Variants in DSCAML1 observed in about 807,000 individuals in gnomAD.
DSCAML1 encodes the protein cell adhesion molecule DSCAML1.
A neutral mutation model predicts 200.5 loss-of-function variants in DSCAML1; 38 were observed. The ratio of observed to expected loss-of-function variants is 0.19; its 90% confidence interval spans 0.15 to 0.25. The LOEUF is 0.25. Among genes scored for constraint, DSCAML1 ranks in the 10% least tolerant of loss-of-function variants. The probability of loss-of-function intolerance (pLI) is 1.00; values close to 1 mark genes in which losing one functional copy is unlikely to be tolerated. For synonymous variants in DSCAML1, 1,215 were observed against 1,165.0 expected (o/e 1.04, Z -0.87); for missense variants, 2,223 against 2,858.8 (o/e 0.78, Z 5.07).
chr11:117,492,645 C>A (rs187199067), intron 11 of DSCAML1, among the ~76,000 whole-genome samples: 5 of 152,182 alleles, frequency 3.3e-5, no homozygotes, highest in Non-Finnish European at 5.9e-5. Context: ...AACAAGTTCC[C>A]GACAAGAGCT....
chr11:117,735,503 G>A (rs1449950441), intron 3 of DSCAML1, among the ~76,000 whole-genome samples: 1 of 152,168 alleles, frequency 6.6e-6, no homozygotes, highest in African/African-American at 2.4e-5. Flanking sequence ...GCAGGGGTGG[G>A]CGGGGCTGTC....
At chr11:117,588,534 T>A (rs1289785110) in intron 3 of DSCAML1, among the ~76,000 whole-genome samples, 1 of 152,094 alleles carries the variant, frequency 6.6e-6, no homozygotes, top group East Asian at 1.9e-4. Flanking sequence ...AAGCGTTTTG[T>A]AGGTTATCAT....
In DSCAML1 at chr11:117,780,276, GAA is replaced by G. The variant is rs1219871165; in HGVS notation, c.364+215_364+216del. On this transcript the variant is annotated intron_variant, in intron 2 of 32. Coordinates refer to ENST00000651296, the MANE Select transcript of DSCAML1 (RefSeq NM_020693.4). This position sits in a 1 kb window ranked among gnomAD's most constrained non-coding sequence, Gnocchi z 4.8. The stretch of plus-strand genomic sequence containing the variant: ...AGAAAGAAAGAAAGAAAGAAAGAAA[GAA>G]AGAAAGAAAGAAAGAAAGAAAGAAA... 1.0e-5 allele frequency among the ~76,000 whole-genome samples: 1 copy of G among 95,390 alleles called. No homozygotes were observed. Among genetic ancestry groups the G allele is most frequent in the East Asian group, 2.8e-4 (1 of 3,596 alleles). The allele number at this position is 95,390 out of a possible 152,430, so 62.6% of individuals were successfully genotyped here.
intron 8 of DSCAML1, among the ~76,000 whole-genome samples, chr11:117,512,072 C>T (rs1175517059): frequency 1.3e-5 from 2 of 152,246 alleles, no homozygotes; most frequent in Non-Finnish European, 2.9e-5. Context: ...GGGTTTCAGC[C>T]CCACCCTGCC....
chr11:117,605,171 G>A lies in DSCAML1; in HGVS notation c.512-72649C>T, dbSNP rs1019229108. On this transcript the variant is annotated intron_variant, in intron 3 of 32. Coordinates refer to ENST00000651296, the MANE Select transcript of DSCAML1 (RefSeq NM_020693.4). ...ATTCTCTGGAGTAGCTGAGACTACAGGTGCACGCCACCATGCCCGGCTGCT... is the reference window on the plus strand; with the variant it reads ...ATTCTCTGGAGTAGCTGAGACTACAAGTGCACGCCACCATGCCCGGCTGCT... 2.6e-5 allele frequency among the ~76,000 whole-genome samples: 4 copies of A among 152,076 alleles called. No individual in the cohort carries two copies. The East Asian group carries it at 7.7e-4, about 29-fold the overall frequency.
chr11:117,507,233 G>A (rs77358863), intron 8 of DSCAML1, among the ~76,000 whole-genome samples: 4 of 152,284 alleles, frequency 2.6e-5, no homozygotes, highest in East Asian at 3.9e-4. Context: ...TTCTGCAGTC[G>A]AATAATTAAA....
rs1196481775 is a variant in DSCAML1 at position 117,642,207 on chromosome 11, C to A, written c.512-109685G>T. On this transcript the variant is annotated intron_variant, in intron 3 of 32. Transcript: ENST00000651296. The surrounding 1 kb of genome is among the most constrained non-coding windows in gnomAD (Gnocchi z 4.1). ...GGCATGACTTAGGCTCCTGCGGTAT[C>A]TGAGTCTCTAGCCCACTTTTGGACA... 6.6e-6 allele frequency among the ~76,000 whole-genome samples: 1 copy of A among 152,204 alleles called. No homozygotes were observed. The highest frequency in any genetic ancestry group is 1.5e-5 in the Non-Finnish European group (1 of 68,028).
chr11:117,458,948 C>T lies in DSCAML1; in HGVS notation c.3413-39G>A, dbSNP rs372470127. 2.9e-5 allele frequency: 46 copies of T among 1,598,880 alleles called. No individual in the cohort carries two copies. The Middle Eastern group carries it at 5.0e-4, about 17-fold the overall frequency. On this transcript the variant is annotated intron_variant, in intron 18 of 32. Coordinates refer to ENST00000651296, the MANE Select transcript of DSCAML1 (RefSeq NM_020693.4). ...GCAAACTCTGAGGACCCAGCTCCAT[C>T]GGGCTGTGGCCCCTGCTGCTACCCC...
At chr11:117,456,894 C>T (rs182218882) in intron 19 of DSCAML1, among the ~76,000 whole-genome samples, 4 of 152,018 alleles carry the variant, frequency 2.6e-5, no homozygotes, top group Admixed American at 6.5e-5. Context: ...AGGCTGGTCT[C>T]GCACTCCTGA....
intron 3 of DSCAML1, among the ~76,000 whole-genome samples, chr11:117,686,444 C>T (rs1038515959): frequency 6.6e-6 from 1 of 152,216 alleles, no homozygotes; most frequent in African/African-American, 2.4e-5. Flanking sequence ...AGTGGCAGAG[C>T]CAAGAGCAGG....
intron 3 of DSCAML1, among the ~76,000 whole-genome samples, chr11:117,696,541 T>C (rs1041087708): frequency 1.3e-5 from 2 of 152,198 alleles, no homozygotes; most frequent in Non-Finnish European, 2.9e-5. Context: ...TGTGAAACCA[T>C]CTTCCTGGGG....
chr11:117,706,755 C>CA (rs994447634), intron 3 of DSCAML1, among the ~76,000 whole-genome samples: 4 of 152,210 alleles, frequency 2.6e-5, no homozygotes, highest in Admixed American at 2.6e-4. Context: ...GCTCAATTAT[C>CA]AAAACCACCT....
chr11:117,490,125 G>T (rs2049156412), intron 11 of DSCAML1, among the ~76,000 whole-genome samples: 1 of 152,126 alleles, frequency 6.6e-6, no homozygotes, highest in African/African-American at 2.4e-5. Flanking sequence ...GAGGAGAAAG[G>T]CACCAGAGCC....
At chr11:117,506,036 C>T (rs2049490388) in intron 8 of DSCAML1, among the ~76,000 whole-genome samples, 1 of 152,232 alleles carries the variant, frequency 6.6e-6, no homozygotes, top group South Asian at 2.1e-4. Context: ...ACCTTTCCCT[C>T]CAGCTTCCCT....
chr11:117,481,840 T>G, intron 12 of DSCAML1, 123 bp downstream of exon 12: 7 of 1,051,220 alleles, frequency 6.7e-6, no homozygotes, highest in African/African-American at 1.6e-5. Context: ...GGGAGGTACA[T>G]TTTTGGGGTG....
chr11:117,513,234 A>T (rs1288156592), intron 8 of DSCAML1, among the ~76,000 whole-genome samples: 2 of 152,048 alleles, frequency 1.3e-5, no homozygotes, highest in East Asian at 3.9e-4. Context: ...GTCCCAGATG[A>T]CAGGGGCGGG....
chr11:117,489,631 C>T lies in DSCAML1; in HGVS notation c.2360-7469G>A, dbSNP rs1332854941. Among the ~76,000 whole-genome samples, 1 of 152,120 alleles carries T rather than the reference C, an allele frequency of 6.6e-6. No homozygotes were observed. On this transcript the variant is annotated intron_variant, in intron 11 of 32. Transcript: ENST00000651296. This position sits in a 1 kb window ranked among gnomAD's most constrained non-coding sequence, Gnocchi z 4.8. Reference sequence around the variant, plus strand: ...TGAAGACCCTGGTGTGAAGACGGCCCATTTCATTCAAGCCTCAGTTACAGT... The same window carrying T: ...TGAAGACCCTGGTGTGAAGACGGCCTATTTCATTCAAGCCTCAGTTACAGT...
In DSCAML1 at chr11:117,469,520, GT is replaced by G. The variant is rs561984463; in HGVS notation, c.3024+389del. Among the ~76,000 whole-genome samples the G allele has an allele frequency of 1.8e-3, 273 of 152,292 alleles. 1 individual carries two copies. The highest frequency in any genetic ancestry group is 6.3e-3 in the African/African-American group (260 of 41,554). ...TCCACCCTCAGAGGTAGGGAGGGCA[GT>G]TGTTTTCATGCTGATGTTAGAAAGG... On this transcript the variant is annotated intron_variant, in intron 16 of 32. Coordinates refer to ENST00000651296, the MANE Select transcript of DSCAML1 (RefSeq NM_020693.4). This position sits in a 1 kb window ranked among gnomAD's most constrained non-coding sequence, Gnocchi z 4.1.
chr11:117,492,394 T>C (rs2137249655), intron 11 of DSCAML1, among the ~76,000 whole-genome samples: 1 of 152,292 alleles, frequency 6.6e-6, no homozygotes, highest in Non-Finnish European at 1.5e-5. Context: ...CCTTCTTGGA[T>C]GTCCTCTTCT....
Sources: gnomAD v4.1 joint callset for allele counts (sites outside exome capture counted in the v4.1 genomes callset) on GRCh38, gnomAD v4.1.1 for gene constraint, Gnocchi (gnomAD v3.1) non-coding constraint, MANE v1.5 for transcripts, NCBI Gene and HGNC (gene_info 2026-07-23, HGNC 2026-07-21) for gene names.